Variants in ZC3H11A observed in about 807,000 individuals in gnomAD.
ZC3H11A encodes the protein zinc finger CCCH-type containing 11A.
In ZC3H11A, 22 loss-of-function variants were observed where a neutral mutation model predicts 90.8. The ratio of observed to expected loss-of-function variants is 0.24; its 90% confidence interval spans 0.17 to 0.35. The LOEUF (loss-of-function observed/expected upper bound fraction) is 0.35. ZC3H11A is among the 10% of genes least tolerant of loss of function. ZC3H11A has a pLI of 1.00. For synonymous variants in ZC3H11A, 294 were observed against 339.8 expected (o/e 0.87, Z 1.48); for missense variants, 701 against 964.9 (o/e 0.73, Z 3.62).
chr1:203,826,292 C>G (rs1680492073), intron 4 of ZC3H11A, among the ~76,000 whole-genome samples: 1 of 151,472 alleles, frequency 6.6e-6, no homozygotes, highest in South Asian at 2.1e-4. Context: ...AGGTAGTGTG[C>G]CCACAGTAGC....
intron 11 of ZC3H11A, among the ~76,000 whole-genome samples, chr1:203,840,006 G>T (rs1685588825): frequency 2.6e-5 from 4 of 151,982 alleles, no homozygotes; most frequent in Non-Finnish European, 5.9e-5. Flanking sequence ...GTTTCACCAT[G>T]TTGGCCAGGC....
chr1:203,825,979 G>A (rs995710439), intron 4 of ZC3H11A, among the ~76,000 whole-genome samples: 1 of 152,140 alleles, frequency 6.6e-6, no homozygotes, highest in African/African-American at 2.4e-5. Context: ...TGTGACTTCT[G>A]TGTATAGAAG....
chr1:203,801,265 A>G (rs749224460), intron 1 of ZC3H11A: 7 of 152,190 alleles, frequency 4.6e-5, no homozygotes, highest in Non-Finnish European at 8.8e-5. Flanking sequence ...ACATTTCCCA[A>G]AGATTGTTTC....
At chr1:203,832,094 T>C (rs903174968) in intron 9 of ZC3H11A, among the ~76,000 whole-genome samples, 5 of 152,230 alleles carry the variant, frequency 3.3e-5, no homozygotes, top group East Asian at 1.9e-4. Flanking sequence ...GTTGCACTCC[T>C]GTTGCCTAGG....
chr1:203,815,216 C>CTTTTCT (rs1553261508), intron 2 of ZC3H11A, among the ~76,000 whole-genome samples: 1 of 97,144 alleles, frequency 1.0e-5, no homozygotes, highest in Non-Finnish European at 1.9e-5. Flanking sequence ...CTTTTCTTTT[C>CTTTTCT]TTTTTTTTTT....
intron 2 of ZC3H11A, 131 bp downstream of exon 2, chr1:203,803,147 A>T (rs1384976191): frequency 6.6e-6 from 1 of 152,170 alleles, no homozygotes; most frequent in East Asian, 1.9e-4. Context: ...ATAATTGTTT[A>T]CAAATTTTTA....
In ZC3H11A at chr1:203,840,586, A is replaced by G. The variant is rs1489705769; in HGVS notation, c.1042+212A>G. 6.6e-5 allele frequency among the ~76,000 whole-genome samples: 10 copies of G among 150,892 alleles called. No homozygotes were observed. The East Asian group carries it at 1.9e-3, about 29-fold the overall frequency. ...AGAGATGGTAAAATGATTGTTCATC[A>G]TAGCATTAATAGTAGGAAATTATTT... On this transcript the variant is annotated intron_variant, in intron 12 of 17. Transcript: ENST00000367210.
Position 203,798,798 on chromosome 1 carries a change from A to G in ZC3H11A, c.-1587-2777A>G, listed in dbSNP as rs778920705. ...GATTGTGGAGGATATGCATCCTTAC[A>G]ACTATTTCTCAACCCCAGCCTTTCA... On this transcript the variant is annotated intron_variant, in intron 1 of 17. Coordinates refer to ENST00000367210, the MANE Select transcript of ZC3H11A (RefSeq NM_001376342.1). The G allele has an allele frequency of 2.0e-6, 3 of 1,536,062 alleles. No homozygotes were observed. In the South Asian group the frequency reaches 3.6e-5, roughly 18 times the overall value.
chr1:203,852,260 C>G lies in ZC3H11A; in HGVS notation c.2294C>G (p.Pro765Arg), dbSNP rs1295647467. ...RRLSSASTGK[P>R]PLSVEDDFEK... ...CTCAGCTCTGCCTCAACAGGAAAGCCCCCACTCTCTGTGGAGGATGATTTT... is the reference window on the plus strand; with the variant it reads ...CTCAGCTCTGCCTCAACAGGAAAGCGCCCACTCTCTGTGGAGGATGATTTT... Residue 765 changes from proline to arginine, a missense_variant, in exon 18 of 18, where the codon CCC (proline) becomes CGC (arginine). Physicochemically the swap from Pro to Arg is moderately radical, Grantham distance 103 (BLOSUM62 -2). Around this residue, in one of 4 missense-constraint regions of ZC3H11A, gnomAD observed 91 missense variants for 86.8 expected, o/e 1.05. Transcript: ENST00000367210. 7 of 1,613,532 alleles carry G rather than the reference C, an allele frequency of 4.3e-6. No individual in the cohort carries two copies. In the African/African-American group the frequency reaches 5.3e-5, roughly 12 times the overall value.
rs1308487024 is a variant in ZC3H11A, at chr1:203,852,750, T to C, written c.*351T>C. 3.4e-6 allele frequency: 1 copy of C among 293,022 alleles called. No homozygotes were observed. The highest frequency in any genetic ancestry group is 2.2e-5 in the African/African-American group (1 of 44,656). 18.2% of individuals were successfully genotyped at this position (293,022 alleles called of 1,614,324 possible). On this transcript the variant is annotated 3_prime_UTR_variant, in exon 18 of 18. Transcript: ENST00000367210. Reference sequence around the variant, plus strand: ...TGTCAGTTTTGGCTTTTTTCTTCTTTGTTGTATTCTTTATGTATTGTCTTG... The same window carrying C: ...TGTCAGTTTTGGCTTTTTTCTTCTTCGTTGTATTCTTTATGTATTGTCTTG...
intron 2 of ZC3H11A, among the ~76,000 whole-genome samples, chr1:203,812,141 G>A (rs1268470579): frequency 6.6e-6 from 1 of 152,098 alleles, no homozygotes; most frequent in African/African-American, 2.4e-5. Flanking sequence ...AAATTCAGGG[G>A]TACATGTGCA....
chr1:203,800,649 A>G, intron 1 of ZC3H11A: 1 of 505,760 alleles, frequency 2.0e-6, no homozygotes, highest in East Asian at 3.4e-5. Context: ...TCATAGCTAT[A>G]ACTGTGGCGC....
At chr1:203,813,322 T>C (rs908512093) in intron 2 of ZC3H11A, among the ~76,000 whole-genome samples, 5 of 152,124 alleles carry the variant, frequency 3.3e-5, no homozygotes, top group African/African-American at 4.8e-5. Flanking sequence ...TTCTCTTGCC[T>C]CAGCCTCCTC....
chr1:203,836,516 G>GA (rs1233807483), intron 10 of ZC3H11A, among the ~76,000 whole-genome samples: 14 of 152,352 alleles, frequency 9.2e-5, no homozygotes, highest in African/African-American at 2.6e-4. Flanking sequence ...TTGAGAGGCT[G>GA]AGGCAGGTGG....
Position 203,829,496 on chromosome 1 carries a change from C to T in ZC3H11A, c.344C>T (p.Ala115Val). 1 of 1,613,974 alleles carries T rather than the reference C, an allele frequency of 6.2e-7. No individual in the cohort carries two copies. The highest frequency in any genetic ancestry group is 1.7e-4 in the Middle Eastern group (1 of 6,056). Residue 115 changes from alanine to valine, a missense_variant, in exon 6 of 18, where the codon GCT becomes GTT. By Grantham distance (64) the Ala-to-Val change is moderately conservative. This residue lies in a region of ZC3H11A where 530 missense variants were observed against 696.2 expected (regional missense o/e 0.76). Transcript: ENST00000367210. ...VPESPEEEVK[A>V]SQLSVQQNKL... The stretch of plus-strand genomic sequence containing the variant: ...GAGTCACCAGAAGAGGAAGTGAAGG[C>T]TAGCCAACTTTCAGTTCAGCAGAAC...
intron 1 of ZC3H11A, chr1:203,797,470 G>A: frequency 7.0e-7 from 1 of 1,425,044 alleles, no homozygotes; most frequent in South Asian, 1.5e-5. Context: ...ATTTCTGCTT[G>A]AGTAATAAAC....
intron 2 of ZC3H11A, among the ~76,000 whole-genome samples, chr1:203,804,267 T>C (rs1401180343): frequency 2.0e-5 from 3 of 151,112 alleles, no homozygotes; most frequent in Non-Finnish European, 4.4e-5. Flanking sequence ...TTCTCCTGCC[T>C]CAGCCTCCCG....
intron 12 of ZC3H11A, among the ~76,000 whole-genome samples, chr1:203,842,722 T>C (rs1031271856): frequency 7.3e-5 from 11 of 151,198 alleles, no homozygotes; most frequent in African/African-American, 1.9e-4. Flanking sequence ...TGTAAAGATA[T>C]AAACATATAC....
Position 203,828,075 on chromosome 1 carries a change from G to A in ZC3H11A, c.175-224G>A, listed in dbSNP as rs537272724. 3.9e-4 allele frequency among the ~76,000 whole-genome samples: 59 copies of A among 152,180 alleles called. 1 individual carries two copies. Reference sequence around the variant, plus strand: ...ACATTTTAGGGGTTCCAGGATGAGGGTAAAAAGGGAAAGAATAACATAAAC... The same window carrying A: ...ACATTTTAGGGGTTCCAGGATGAGGATAAAAAGGGAAAGAATAACATAAAC... On this transcript the variant is annotated intron_variant, in intron 4 of 17. Transcript: ENST00000367210.
Sources: gnomAD v4.1 joint callset for allele counts (sites outside exome capture counted in the v4.1 genomes callset) on GRCh38, gnomAD v4.1.1 for gene constraint, gnomAD v4.1.1 regional missense constraint, MANE v1.5 for transcripts, NCBI Gene and HGNC (gene_info 2026-07-23, HGNC 2026-07-21) for gene names.